The following SNU13 variants were observed in gnomAD, a reference collection of about 807,000 sequenced individuals.
The protein encoded by SNU13 is small nuclear ribonucleoprotein 13, also known as NHP2-like protein 1.
Under a neutral mutation model 12.4 loss-of-function variants are expected in SNU13, and 2 were observed. The ratio of observed to expected loss-of-function variants is 0.16; its 90% CI spans 0.07 to 0.51. The LOEUF (loss-of-function observed/expected upper bound fraction) is 0.51. Among genes scored for constraint, SNU13 ranks in the 20% least tolerant of loss-of-function variants. The probability of loss-of-function intolerance (pLI) is 0.96; values close to 1 mark genes in which losing one functional copy is unlikely to be tolerated. For missense variants in SNU13, 66 were observed against 157.8 expected (o/e 0.42, Z 3.12); for synonymous variants, 68 against 66.5 (o/e 1.02, Z -0.11).
intron 1 of SNU13, among the ~76,000 whole-genome samples, chr22:41,683,929 G>A (rs929549429): frequency 6.6e-6 from 1 of 152,016 alleles, no homozygotes; most frequent in Non-Finnish European, 1.5e-5. Flanking sequence ...TTGAGATGGA[G>A]TTTTGCTCTG....
In SNU13 at chr22:41,674,966, G is replaced by A; in HGVS notation, c.354C>T (p.Ser118=). 4 of 1,614,092 alleles carry A rather than the reference G, an allele frequency of 2.5e-6. No individual in the cohort carries two copies. The highest frequency in any genetic ancestry group is 3.4e-6 in the Non-Finnish European group (4 of 1,179,988). Residue 118 remains serine (S), a synonymous_variant, in exon 3 of 3, where the codon TCC becomes TCT. Coordinates refer to ENST00000401959, the MANE Select transcript of SNU13 (RefSeq NM_001003796.2). ...EGSQLKQQIQ[S]IQQSIERLLV Reference sequence around the variant, plus strand: ...AGAGCCTTTCAATGGACTGCTGAATGGATTGGATCTGCTGTTTCAGCTGCG... The same window carrying A: ...AGAGCCTTTCAATGGACTGCTGAATAGATTGGATCTGCTGTTTCAGCTGCG...
At chr22:41,690,455 C>G (rs1004870100), upstream of SNU13, 3 of 724,538 alleles carry the variant, frequency 4.1e-6, no homozygotes, top group Non-Finnish European at 7.7e-6. Context: ...AGCATGCTAA[C>G]CAGGCCTGGC....
rs796215316 is a variant in SNU13, at chr22:41,679,831, C to CA, written c.124+412dup. 5.3e-3 allele frequency: 755 copies of CA among 142,954 alleles called. 2 individuals are homozygous for CA. The highest frequency in any genetic ancestry group is 0.016 in the African/African-American group (627 of 38,874). 8.9% of individuals were successfully genotyped at this position (142,954 alleles called of 1,614,324 possible). On this transcript the variant is annotated intron_variant, in intron 2 of 2. Transcript: ENST00000401959. ...TTCCATGTTTTTGAATAATTGCATCCAAAAAAAAAAGGGAGAGGGGTAGGG... is the reference window on the plus strand; with the variant it reads ...TTCCATGTTTTTGAATAATTGCATCCAAAAAAAAAAAGGGAGAGGGGTAGGG...
intron 1 of SNU13, chr22:41,688,395 C>T (rs1012635119): frequency 5.8e-6 from 1 of 172,568 alleles, no homozygotes; most frequent in African/African-American, 2.4e-5. Flanking sequence ...ATCCCAGGGT[C>T]CCACGCCATC....
At chr22:41,678,190 T>G (rs977171926) in intron 2 of SNU13, among the ~76,000 whole-genome samples, 12 of 152,100 alleles carry the variant, frequency 7.9e-5, no homozygotes, top group Non-Finnish European at 1.6e-4. Context: ...TTAGCCAGGA[T>G]GGTCTCGATC....
intron 1 of SNU13, among the ~76,000 whole-genome samples, chr22:41,680,686 G>A (rs1386622747): frequency 1.3e-5 from 2 of 152,146 alleles, no homozygotes; most frequent in Non-Finnish European, 2.9e-5. Context: ...TTGAGTCCAT[G>A]GCTAATCCAT....
At chr22:41,689,947 C>T (rs1044199058), upstream of SNU13, among the ~76,000 whole-genome samples, 7 of 150,362 alleles carry the variant, frequency 4.7e-5, no homozygotes, top group African/African-American at 1.7e-4. Context: ...CATTGCACTC[C>T]AGCCTGGGCA....
intron 1 of SNU13, chr22:41,681,489 C>T (rs1040850379): frequency 2.0e-5 from 3 of 152,170 alleles, no homozygotes; most frequent in East Asian, 1.9e-4. Flanking sequence ...ATCTTCTGTG[C>T]CTTTCCTAAA....
chr22:41,675,322 G>T, intron 2 of SNU13, 127 bp from the exon 3 acceptor site: 9 of 1,177,442 alleles, frequency 7.6e-6, no homozygotes, highest in Non-Finnish European at 9.6e-6. Flanking sequence ...TATGATAAAG[G>T]ATTCAAACAC....
chr22:41,677,976 A>G (rs2068228298), intron 2 of SNU13, among the ~76,000 whole-genome samples: 1 of 146,254 alleles, frequency 6.8e-6, no homozygotes, highest in Non-Finnish European at 1.5e-5. Context: ...GTTTTACAGC[A>G]TTCTTTTTTT....
chr22:41,679,820 A>G (rs376906248), intron 2 of SNU13: 3 of 153,170 alleles, frequency 2.0e-5, no homozygotes, highest in African/African-American at 7.2e-5. Context: ...ATGTTTTTGA[A>G]TAATTGCATC....
intron 1 of SNU13, among the ~76,000 whole-genome samples, chr22:41,685,079 C>T (rs2068299554): frequency 6.8e-6 from 1 of 145,988 alleles, no homozygotes; most frequent in Admixed American, 7.0e-5. Context: ...GGCTTGAACC[C>T]GGGAAGCGGA....
chr22:41,683,390 A>G (rs2068282620), intron 1 of SNU13, among the ~76,000 whole-genome samples: 1 of 152,112 alleles, frequency 6.6e-6, no homozygotes, highest in Non-Finnish European at 1.5e-5. Flanking sequence ...GACTACATGC[A>G]TGCACCACCA....
chr22:41,690,310 C>A, upstream of SNU13: 1 of 672,194 alleles, frequency 1.5e-6, no homozygotes, highest in Non-Finnish European at 2.7e-6. Context: ...ATCAAGCAGA[C>A]CGCAGGTTAT....
intron 1 of SNU13, among the ~76,000 whole-genome samples, chr22:41,685,154 C>CAA (rs71184830): frequency 0.72 from 84,912 of 117,546 alleles, 30,782 homozygotes; most frequent in East Asian, 0.91. Flanking sequence ...AACTCCATCT[C>CAA]AAAAAAAAAA....
At chr22:41,687,419 T>A (rs1215553096) in intron 1 of SNU13, among the ~76,000 whole-genome samples, 1 of 152,146 alleles carries the variant, frequency 6.6e-6, no homozygotes, top group Non-Finnish European at 1.5e-5. Context: ...AAACATCAAA[T>A]TCATAAAAGA....
chr22:41,685,387 CTT>C, intron 1 of SNU13, among the ~76,000 whole-genome samples: 1 of 151,850 alleles, frequency 6.6e-6, no homozygotes, highest in African/African-American at 2.4e-5. Flanking sequence ...GAGTTTTGCT[CTT>C]GTTGCCCAGG....
At chr22:41,680,098 C>G in intron 2 of SNU13, 146 bp downstream of exon 2, 1 of 1,029,786 alleles carries the variant, frequency 9.7e-7, no homozygotes, top group Non-Finnish European at 1.4e-6. Flanking sequence ...CTTAGCCCAT[C>G]AGCTTTAGCA....
At chr22:41,688,869 A>G, upstream of SNU13, 1 of 1,510,864 alleles carries the variant, frequency 6.6e-7, no homozygotes, top group South Asian at 1.2e-5. Flanking sequence ...CGTGCACCGG[A>G]AAAACTCACA....
Sources: gnomAD v4.1 joint callset for allele counts (sites outside exome capture counted in the v4.1 genomes callset) on GRCh38, gnomAD v4.1.1 for gene constraint, MANE v1.5 for transcripts, NCBI Gene and HGNC (gene_info 2026-07-23, HGNC 2026-07-21) for gene names.